Variants in PTPRT observed in about 807,000 individuals in gnomAD.
The protein encoded by PTPRT is protein tyrosine phosphatase receptor type T, also known as receptor-type tyrosine-protein phosphatase T.
A neutral mutation model predicts 176.8 loss-of-function variants in PTPRT; 56 were observed. The observed-to-expected ratio is 0.32, with a 90% CI of 0.26 to 0.40. The LOEUF is 0.40. Among genes scored for constraint, PTPRT ranks in the 10% least tolerant of loss-of-function variants. The pLI, the probability that PTPRT is intolerant of heterozygous loss-of-function variation, is 1.00. For synonymous variants in PTPRT, 783 were observed against 739.0 expected, an observed-to-expected ratio of 1.06 and a Z score of -0.96; for missense variants, 1,540 against 1,908.2, an observed-to-expected ratio of 0.81 and a Z score of 3.60.
At position 42,491,846 on chromosome 20, in the gene PTPRT, C is replaced by T. The variant is rs559855674; in HGVS notation, c.1154-19284G>A. Among the ~76,000 whole-genome samples, 5 of 152,286 alleles carry T rather than the reference C, an allele frequency of 3.3e-5. No homozygotes were observed. The South Asian group carries it at 1.0e-3, about 32-fold the overall frequency. ...TATAGACACACCCTTTCTCTCCTCC[C>T]TGCCATCTAAAACCCCAGGCAGCCA... is the stretch of plus-strand genomic sequence containing the variant. On this transcript the variant is annotated intron_variant, in intron 7 of 30. Coordinates refer to ENST00000373187, the MANE Select transcript of PTPRT (RefSeq NM_007050.6).
At chr20:42,280,682 G>A (rs758868331) in intron 13 of PTPRT, among the ~76,000 whole-genome samples, 1 of 152,192 alleles carries the variant, frequency 6.6e-6, no homozygotes, top group South Asian at 2.1e-4. Context: ...GAACTCTTCT[G>A]TCTGGTTCTT....
intron 2 of PTPRT, among the ~76,000 whole-genome samples, chr20:42,883,448 G>C (rs2079036518): frequency 6.6e-6 from 1 of 152,086 alleles, no homozygotes; most frequent in South Asian, 2.1e-4. Context: ...GTACCAGTAG[G>C]GTGAAGTGAG....
At chr20:42,929,838 C>A (rs73907404) in intron 1 of PTPRT, among the ~76,000 whole-genome samples, 1,652 of 152,334 alleles carry the variant, frequency 0.011, 24 homozygotes, top group African/African-American at 0.038. Flanking sequence ...TTCTTGAAAC[C>A]TAAGGATTAG....
At chr20:42,115,131 T>A in intron 22 of PTPRT, 68 bp downstream of exon 22, 1 of 1,158,876 alleles carries the variant, frequency 8.6e-7, no homozygotes, top group Non-Finnish European at 1.3e-6. Flanking sequence ...AGTTACCACA[T>A]GTTCTGGATG....
intron 4 of PTPRT, among the ~76,000 whole-genome samples, chr20:42,775,835 A>G (rs74738767): frequency 2.0e-5 from 3 of 152,248 alleles, no homozygotes; most frequent in Non-Finnish European, 4.4e-5. Context: ...AGAAAGGGAT[A>G]ATTAAAAAGA....
At chr20:42,648,089 C>T (rs1480690584) in intron 7 of PTPRT, among the ~76,000 whole-genome samples, 1 of 146,670 alleles carries the variant, frequency 6.8e-6, no homozygotes, top group Non-Finnish European at 1.5e-5. Flanking sequence ...GAAACGGCTC[C>T]CCTGAGGTTG....
chr20:42,640,188 G>A (rs1469058609), intron 7 of PTPRT, among the ~76,000 whole-genome samples: 1 of 152,104 alleles, frequency 6.6e-6, no homozygotes, highest in Non-Finnish European at 1.5e-5. Context: ...AACGTGAAGT[G>A]TAAATCCCAC....
At chr20:42,819,441 A>G (rs1162242585) in intron 2 of PTPRT, among the ~76,000 whole-genome samples, 1 of 152,238 alleles carries the variant, frequency 6.6e-6, no homozygotes, top group Non-Finnish European at 1.5e-5. Context: ...TAGCCACTGC[A>G]AAAACATACT....
At chr20:42,954,377 G>A (rs1981482956) in intron 1 of PTPRT, among the ~76,000 whole-genome samples, 1 of 152,260 alleles carries the variant, frequency 6.6e-6, no homozygotes, top group South Asian at 2.1e-4. Flanking sequence ...GAAGACTTGG[G>A]TGAGTGCTCT....
At chr20:42,119,014 A>G (rs4812580) in intron 20 of PTPRT, among the ~76,000 whole-genome samples, 139 of 39,786 alleles carry the variant, frequency 3.5e-3, no homozygotes, top group East Asian at 0.025. Flanking sequence ...GAAAGGAAGG[A>G]AAAAAAAAAA....
chr20:42,809,837 C>T (rs1393176479), intron 2 of PTPRT, among the ~76,000 whole-genome samples: 1 of 152,166 alleles, frequency 6.6e-6, no homozygotes, highest in African/African-American at 2.4e-5. Flanking sequence ...AACTCAACTG[C>T]ATCTGCAAAG....
chr20:42,120,499 T>C (rs1029294847), intron 19 of PTPRT, among the ~76,000 whole-genome samples: 2 of 152,178 alleles, frequency 1.3e-5, no homozygotes, highest in African/African-American at 4.8e-5. Context: ...GGGCTTGGAA[T>C]TGAAGTCCCA....
chr20:42,479,347 G>A (rs190964644), intron 7 of PTPRT, among the ~76,000 whole-genome samples: 11 of 152,204 alleles, frequency 7.2e-5, no homozygotes, highest in Non-Finnish European at 1.6e-4. Flanking sequence ...TATCCATTTG[G>A]AGATGCAATT....
intron 7 of PTPRT, among the ~76,000 whole-genome samples, chr20:42,626,686 G>A (rs949992086): frequency 3.9e-5 from 6 of 152,122 alleles, no homozygotes; most frequent in Admixed American, 6.5e-5. Flanking sequence ...TCGGAGAAAC[G>A]GGCCCCCTGG....
At chr20:42,640,111 C>A (rs928628819) in intron 7 of PTPRT, among the ~76,000 whole-genome samples, 1 of 152,104 alleles carries the variant, frequency 6.6e-6, no homozygotes, top group East Asian at 1.9e-4. Flanking sequence ...CACCTCTGTA[C>A]CTGCCCTCAC....
At chr20:43,176,471 C>T (rs573159087) in intron 1 of PTPRT, among the ~76,000 whole-genome samples, 6 of 152,340 alleles carry the variant, frequency 3.9e-5, no homozygotes, top group Non-Finnish European at 8.8e-5. Context: ...TTCTTCTCCA[C>T]CAAGAATTAT....
intron 16 of PTPRT, among the ~76,000 whole-genome samples, chr20:42,164,502 C>T (rs976927382): frequency 6.6e-6 from 1 of 152,206 alleles, no homozygotes; most frequent in African/African-American, 2.4e-5. Flanking sequence ...AAGGGATTTT[C>T]AAGGTTTATT....
At chr20:42,311,230 T>G (rs2057623282) in intron 12 of PTPRT, among the ~76,000 whole-genome samples, 1 of 152,210 alleles carries the variant, frequency 6.6e-6, no homozygotes, top group African/African-American at 2.4e-5. Context: ...AATGCCTTTT[T>G]TGACATATTG....
intron 16 of PTPRT, among the ~76,000 whole-genome samples, chr20:42,184,827 GGTTTC>G (rs979016783): frequency 6.7e-6 from 1 of 150,144 alleles, no homozygotes; most frequent in Non-Finnish European, 1.5e-5. Context: ...CCAGAGATGG[GGTTTC>G]GCCATGTTAG....
Sources: gnomAD v4.1 joint callset for allele counts (sites outside exome capture counted in the v4.1 genomes callset) on GRCh38, gnomAD v4.1.1 for gene constraint, MANE v1.5 for transcripts, NCBI Gene and HGNC (gene_info 2026-07-23, HGNC 2026-07-21) for gene names.